The following GCSAML variants were observed in gnomAD, a reference collection of about 807,000 sequenced individuals.
GCSAML encodes the protein germinal center-associated signaling and motility-like protein.
In GCSAML, 9 loss-of-function variants were observed where a neutral mutation model predicts 13.0. The ratio of observed to expected loss-of-function variants is 0.69; its 90% CI spans 0.42 to 1.21. The LOEUF (loss-of-function observed/expected upper bound fraction) is 1.21. Ranked by LOEUF, GCSAML falls within the 50% of genes most tolerant of loss-of-function variation. The pLI is 0.00. For synonymous variants in GCSAML, 37 were observed against 52.9 expected, an observed-to-expected ratio of 0.70 and a Z score of 1.31; for missense variants, 143 against 153.4, an observed-to-expected ratio of 0.93 and a Z score of 0.36.
chr1:247,534,706 A>C (rs187036897), intron 2 of GCSAML, among the ~76,000 whole-genome samples: 3 of 152,226 alleles, frequency 2.0e-5, no homozygotes, highest in African/African-American at 7.2e-5. Flanking sequence ...GAACTTAACT[A>C]TCAGCCTTCT....
intron 2 of GCSAML, chr1:247,532,085 G>A: frequency 1.2e-6 from 2 of 1,614,098 alleles, no homozygotes; most frequent in Middle Eastern, 1.6e-4. Flanking sequence ...GCTAGCCCAA[G>A]GCAAAGCTGT....
At chr1:247,516,089 A>G (rs1666200197) in intron 1 of GCSAML, among the ~76,000 whole-genome samples, 1 of 152,148 alleles carries the variant, frequency 6.6e-6, no homozygotes, top group African/African-American at 2.4e-5. Context: ...GTGATAGATG[A>G]TGCAATGTGA....
intron 1 of GCSAML, among the ~76,000 whole-genome samples, chr1:247,555,327 G>A (rs898700249): frequency 3.3e-5 from 5 of 151,542 alleles, no homozygotes; most frequent in African/African-American, 1.2e-4. Context: ...AAAGGAGACA[G>A]TTAAATTACT....
chr1:247,577,131 C>G lies in GCSAML; in HGVS notation c.*2749C>G, dbSNP rs971701802. 2 of 152,136 alleles carry G rather than the reference C, an allele frequency of 1.3e-5. No homozygotes were observed. The highest frequency in any genetic ancestry group is 4.8e-5 in the African/African-American group (2 of 41,438). The allele number at this position is 152,136 out of a possible 1,614,324, so 9.4% of individuals were successfully genotyped here. The stretch of plus-strand genomic sequence containing the variant: ...GTTATGAAGAACAATAGAATCATTG[C>G]TGTATAAGTGCTTTTTAACCTGTAA... On this transcript the variant is annotated 3_prime_UTR_variant, in exon 5 of 5. Coordinates refer to ENST00000366488, the MANE Select transcript of GCSAML (RefSeq NM_145278.5).
intron 1 of GCSAML, among the ~76,000 whole-genome samples, chr1:247,517,612 G>C (rs1050480049): frequency 6.6e-6 from 1 of 152,064 alleles, no homozygotes; most frequent in African/African-American, 2.4e-5. Context: ...ATTTTTAAAA[G>C]TCTACCCAGT....
chr1:247,528,862 T>C (rs900782080), intron 2 of GCSAML: 1 of 152,048 alleles, frequency 6.6e-6, no homozygotes, highest in Non-Finnish European at 1.5e-5. Flanking sequence ...CATGAAGATA[T>C]CTGTCTGACA....
chr1:247,569,714 G>T (rs1276951820), intron 4 of GCSAML, among the ~76,000 whole-genome samples: 1 of 152,152 alleles, frequency 6.6e-6, no homozygotes, highest in Non-Finnish European at 1.5e-5. Flanking sequence ...GGTGATGCTG[G>T]CCTCATAAAA....
chr1:247,527,873 A>G lies in GCSAML; in HGVS notation c.-148+819A>G, dbSNP rs557279115. 6.6e-6 allele frequency: 1 copy of G among 152,246 alleles called. No homozygotes were observed. The highest frequency in any genetic ancestry group is 2.1e-4 in the South Asian group (1 of 4,830). 9.4% of individuals were successfully genotyped at this position (152,246 alleles called of 1,614,324 possible). A position where few individuals can be genotyped will look rare whatever the true frequency, so the allele number is the denominator to read the frequency against. ...AGCTGTAATTTTGTATCCTTTAACA[A>G]ATCTCTTCTCATTCCCCCACCCCTG... On this transcript the variant is annotated intron_variant, in intron 2 of 5. Transcript: ENST00000366489. The surrounding 1 kb of genome is among the most constrained non-coding windows in gnomAD (Gnocchi z 4.6).
chr1:247,548,760 A>C (rs1667663150), upstream of GCSAML, among the ~76,000 whole-genome samples: 1 of 152,188 alleles, frequency 6.6e-6, no homozygotes, highest in African/African-American at 2.4e-5. The surrounding 1 kb of genome is among the most constrained non-coding windows in gnomAD (Gnocchi z 5.3). Flanking sequence ...TTCCAGCAAA[A>C]ATGCAACTCT....
At chr1:247,511,040 C>T (rs1333985442) in intron 1 of GCSAML, among the ~76,000 whole-genome samples, 3 of 152,104 alleles carry the variant, frequency 2.0e-5, no homozygotes, top group Non-Finnish European at 4.4e-5. Flanking sequence ...GAGTTCAAGT[C>T]CTGAATATCC....
intron 1 of GCSAML, among the ~76,000 whole-genome samples, chr1:247,550,711 A>G (rs577369994): frequency 1.3e-5 from 2 of 152,304 alleles, no homozygotes; most frequent in Non-Finnish European, 2.9e-5. Flanking sequence ...CAGGATGAGC[A>G]TGAGTCTGGG....
At chr1:247,556,951 C>T (rs997132430) in intron 2 of GCSAML, among the ~76,000 whole-genome samples, 1 of 152,176 alleles carries the variant, frequency 6.6e-6, no homozygotes, top group African/African-American at 2.4e-5. Flanking sequence ...CACTCTCTAC[C>T]TTCACCCACT....
At chr1:247,521,867 T>G (rs1176456876) in intron 1 of GCSAML, among the ~76,000 whole-genome samples, 1 of 150,938 alleles carries the variant, frequency 6.6e-6, no homozygotes, top group Non-Finnish European at 1.5e-5. Flanking sequence ...GGAGCCCCTC[T>G]GCCCGGCTGC....
chr1:247,555,757 A>C (rs1305253608), intron 1 of GCSAML, among the ~76,000 whole-genome samples: 2 of 152,268 alleles, frequency 1.3e-5, no homozygotes, highest in Admixed American at 6.5e-5. Flanking sequence ...AAGTTTGATT[A>C]ACCAAGTCAC....
At chr1:247,538,909 C>G in intron 2 of GCSAML, 2 of 346,262 alleles carry the variant, frequency 5.8e-6, no homozygotes, top group Non-Finnish European at 1.2e-5. Context: ...CTTTAGAAAA[C>G]GAACCCTGTT....
rs769290000 is a variant in GCSAML, at chr1:247,531,660, A to C, written c.-148+4606A>C. 4 of 1,614,200 alleles carry C rather than the reference A, an allele frequency of 2.5e-6. No homozygotes were observed. The East Asian group carries it at 8.9e-5, about 36-fold the overall frequency. On this transcript the variant is annotated intron_variant, in intron 2 of 5. Coordinates refer to the GCSAML transcript ENST00000366489. ...GGGTGTAAATAAGTGGGTTCAGCGC[A>C]GGAGTGACTACGGTGTAGAACAGAG...
chr1:247,510,772 A>G (rs555633328), intron 1 of GCSAML, among the ~76,000 whole-genome samples: 5 of 152,280 alleles, frequency 3.3e-5, no homozygotes, highest in Admixed American at 3.3e-4. Context: ...GTCATTCAGG[A>G]GCAGGTTGTT....
chr1:247,539,049 A>G (rs1044920300), intron 2 of GCSAML, among the ~76,000 whole-genome samples: 2 of 152,164 alleles, frequency 1.3e-5, no homozygotes, highest in Admixed American at 6.5e-5. Flanking sequence ...CCGTATGCCA[A>G]TCACTGAAAT....
intron 2 of GCSAML, among the ~76,000 whole-genome samples, chr1:247,539,024 T>A (rs1203440644): frequency 6.6e-6 from 1 of 152,216 alleles, no homozygotes; most frequent in African/African-American, 2.4e-5. Flanking sequence ...TCCATGTGGT[T>A]CCAAACCCAT....
Sources: gnomAD v4.1 joint callset for allele counts (sites outside exome capture counted in the v4.1 genomes callset) on GRCh38, gnomAD v4.1.1 for gene constraint, Gnocchi (gnomAD v3.1) non-coding constraint, MANE v1.5 for transcripts, NCBI Gene and HGNC (gene_info 2026-07-23, HGNC 2026-07-21) for gene names.